The following FBXL7 variants were observed in gnomAD, a reference collection of about 807,000 sequenced individuals.
FBXL7 encodes F-box/LRR-repeat protein 7.
Under a neutral mutation model 38.3 loss-of-function variants are expected in FBXL7, and 12 were observed. The ratio of observed to expected loss-of-function variants is 0.31; its 90% confidence interval spans 0.20 to 0.51. FBXL7 has a LOEUF of 0.51. FBXL7 is among the 20% of genes least tolerant of loss of function. FBXL7 has a pLI of 0.98. For synonymous variants in FBXL7, 297 were observed against 300.9 expected, an observed-to-expected ratio of 0.99 and a Z score of 0.13; for missense variants, 567 against 676.4, an observed-to-expected ratio of 0.84 and a Z score of 1.79.
intron 2 of FBXL7, among the ~76,000 whole-genome samples, chr5:15,743,281 A>G (rs1419721973): frequency 1.3e-5 from 2 of 152,246 alleles, no homozygotes; most frequent in Admixed American, 6.5e-5. Flanking sequence ...ATCAAAAGCA[A>G]GTTAGTTACT....
chr5:15,537,644 G>A (rs1737624969), intron 1 of FBXL7, among the ~76,000 whole-genome samples: 1 of 152,250 alleles, frequency 6.6e-6, no homozygotes, highest in Non-Finnish European at 1.5e-5. Flanking sequence ...CCCCGAAGGG[G>A]GAGGGCTCAT....
At chr5:15,798,964 G>C (rs941193306) in intron 2 of FBXL7, among the ~76,000 whole-genome samples, 2 of 152,186 alleles carry the variant, frequency 1.3e-5, no homozygotes, top group Admixed American at 1.3e-4. Context: ...GCAGTACCAC[G>C]TGGTGCATTG....
At chr5:15,537,468 TTG>T (rs1193507961) in intron 1 of FBXL7, among the ~76,000 whole-genome samples, 1 of 152,094 alleles carries the variant, frequency 6.6e-6, no homozygotes, top group Non-Finnish European at 1.5e-5. Context: ...CTAAAAAGGA[TTG>T]TGTTATTGAA....
At position 15,667,901 on chromosome 5, in the gene FBXL7, G is replaced by A. The variant is rs1305585391; in HGVS notation, c.127+51829G>A. On this transcript the variant is annotated intron_variant, in intron 2 of 3. Coordinates refer to ENST00000504595, the MANE Select transcript of FBXL7 (RefSeq NM_012304.5). Reference sequence around the variant, plus strand: ...GGATTCATATCTCTGCCCTGTAGTTGTGTGGCCTTGAATCACCTCTTTGAT... The same window carrying A: ...GGATTCATATCTCTGCCCTGTAGTTATGTGGCCTTGAATCACCTCTTTGAT... Among the ~76,000 whole-genome samples the A allele has an allele frequency of 2.0e-5, 3 of 152,224 alleles. No homozygotes were observed. In the East Asian group the frequency reaches 5.8e-4, roughly 29 times the overall value.
At chr5:15,880,287 T>C (rs1740388973) in intron 2 of FBXL7, among the ~76,000 whole-genome samples, 1 of 23,946 alleles carries the variant, frequency 4.2e-5, no homozygotes, top group African/African-American at 3.4e-4. Context: ...GAGCTGGCCA[T>C]AGCTATAAGA....
intron 1 of FBXL7, among the ~76,000 whole-genome samples, chr5:15,550,709 A>G (rs948050955): frequency 6.6e-6 from 1 of 152,244 alleles, no homozygotes; most frequent in African/African-American, 2.4e-5. Flanking sequence ...AGTTAAAACA[A>G]GTTCAGATCT....
intron 2 of FBXL7, among the ~76,000 whole-genome samples, chr5:15,671,046 GAGA>G (rs1384084407): frequency 6.6e-6 from 1 of 152,098 alleles, no homozygotes; most frequent in Admixed American, 6.5e-5. Context: ...ATTATTATGT[GAGA>G]AGGAGGGCCT....
intron 2 of FBXL7, among the ~76,000 whole-genome samples, chr5:15,878,179 CT>C (rs1188515306): frequency 6.6e-6 from 1 of 152,208 alleles, no homozygotes; most frequent in Admixed American, 6.5e-5. Context: ...TCAGCCACAT[CT>C]TTTTGAACAA....
At chr5:15,904,475 G>T (rs1031061958) in intron 2 of FBXL7, among the ~76,000 whole-genome samples, 1 of 152,132 alleles carries the variant, frequency 6.6e-6, no homozygotes, top group Non-Finnish European at 1.5e-5. Context: ...GTTGGAATGG[G>T]TTGCTTCTAA....
At chr5:15,679,998 G>T (rs1364246853) in intron 2 of FBXL7, among the ~76,000 whole-genome samples, 1 of 152,116 alleles carries the variant, frequency 6.6e-6, no homozygotes, top group Non-Finnish European at 1.5e-5. Flanking sequence ...GGAGCAAAAG[G>T]TTAGATCACC....
intron 2 of FBXL7, among the ~76,000 whole-genome samples, chr5:15,626,120 G>C (rs1740808950): frequency 6.6e-6 from 1 of 152,124 alleles, no homozygotes; most frequent in Non-Finnish European, 1.5e-5. Context: ...GAATTCTCAG[G>C]ATCATTTAGG....
intron 2 of FBXL7, among the ~76,000 whole-genome samples, chr5:15,632,447 A>G (rs912484348): frequency 3.9e-5 from 6 of 152,210 alleles, no homozygotes; most frequent in Non-Finnish European, 8.8e-5. Context: ...TAGTTCATCC[A>G]CTGTGGAAAG....
chr5:15,672,684 A>G (rs1178345187), intron 2 of FBXL7, among the ~76,000 whole-genome samples: 2 of 151,482 alleles, frequency 1.3e-5, no homozygotes, highest in Non-Finnish European at 2.9e-5. Context: ...CCTCCCAAGT[A>G]GCTGAGACTA....
intron 2 of FBXL7, among the ~76,000 whole-genome samples, chr5:15,623,356 A>G (rs1414298889): frequency 6.6e-6 from 1 of 152,222 alleles, no homozygotes; most frequent in African/African-American, 2.4e-5. Context: ...TTCAATATTC[A>G]GTTAATACCG....
intron 2 of FBXL7, among the ~76,000 whole-genome samples, chr5:15,709,676 T>G (rs190120529): frequency 6.6e-6 from 1 of 152,224 alleles, no homozygotes. Context: ...CATAACCTTC[T>G]GTCTTAGTTT....
intron 2 of FBXL7, among the ~76,000 whole-genome samples, chr5:15,731,317 G>C (rs1735577372): frequency 6.6e-6 from 1 of 152,170 alleles, no homozygotes; most frequent in Admixed American, 6.5e-5. Flanking sequence ...GAAGGCAAGG[G>C]GGCATAAGTC....
At chr5:15,570,779 C>T (rs892177237) in intron 1 of FBXL7, among the ~76,000 whole-genome samples, 3 of 152,256 alleles carry the variant, frequency 2.0e-5, no homozygotes, top group African/African-American at 7.2e-5. Flanking sequence ...GCTGGTTCCT[C>T]TTCTGGTTTA....
chr5:15,661,263 C>T (rs914650357), intron 2 of FBXL7, among the ~76,000 whole-genome samples: 3 of 152,026 alleles, frequency 2.0e-5, no homozygotes, highest in African/African-American at 7.2e-5. Context: ...ATCCTGTGTC[C>T]ATGGTAAAGT....
chr5:15,827,014 T>C (rs1259864309), intron 2 of FBXL7, among the ~76,000 whole-genome samples: 5 of 152,038 alleles, frequency 3.3e-5, no homozygotes, highest in African/African-American at 1.2e-4. Flanking sequence ...TTTTTCTGTT[T>C]TCTTCACCTA....
Sources: allele counts gnomAD v4.1 joint callset (sites outside exome capture counted in the v4.1 genomes callset), GRCh38; gene constraint gnomAD v4.1.1; transcripts MANE v1.5; gene names NCBI Gene and HGNC (gene_info 2026-07-23, HGNC 2026-07-21).